FGF14: variants seen among roughly 807,000 people sequenced by gnomAD.
The protein encoded by FGF14 is fibroblast growth factor homologous factor 4.
FGF14 carries 5 observed loss-of-function variants against 25.5 expected under a neutral mutation model. The observed-to-expected ratio is 0.20, with a 90% CI of 0.10 to 0.41. The LOEUF is 0.41. Among genes scored for constraint, FGF14 ranks in the 10% least tolerant of loss-of-function variants. The probability of loss-of-function intolerance (pLI) is 1.00; values close to 1 mark genes in which losing one functional copy is unlikely to be tolerated. For missense variants in FGF14, 222 were observed against 320.1 expected (o/e 0.69, Z 2.34); for synonymous variants, 138 against 118.3 (o/e 1.17, Z -1.08).
intron 3 of FGF14, among the ~76,000 whole-genome samples, chr13:101,758,039 T>C (rs1417033292): frequency 1.3e-5 from 2 of 152,184 alleles, no homozygotes; most frequent in African/African-American, 2.4e-5. Context: ...ACTGCTTATA[T>C]TGTAGGCAAC....
intron 3 of FGF14, 70 bp downstream of exon 3, chr13:101,868,655 T>C (rs1401302195): frequency 1.0e-6 from 1 of 1,002,010 alleles, no homozygotes; most frequent in Non-Finnish European, 1.6e-6. Context: ...GAACTTTCTT[T>C]TTGTTGTTGC....
chr13:101,956,482 G>T (rs776426064), intron 1 of FGF14, among the ~76,000 whole-genome samples: 1 of 152,066 alleles, frequency 6.6e-6, no homozygotes, highest in Non-Finnish European at 1.5e-5. Context: ...GGAATGTATC[G>T]GGAGACTGGT....
At chr13:102,040,210 G>A (rs1442509266) in intron 1 of FGF14, among the ~76,000 whole-genome samples, 9 of 152,096 alleles carry the variant, frequency 5.9e-5, no homozygotes, top group Admixed American at 5.9e-4. Flanking sequence ...CTAGTGGGTT[G>A]TTTCCTTTGT....
chr13:102,319,425 C>T (rs904066699), intron 1 of FGF14, among the ~76,000 whole-genome samples: 52 of 152,286 alleles, frequency 3.4e-4, no homozygotes, highest in African/African-American at 1.2e-3. Flanking sequence ...AAATTCAGTC[C>T]TGTAAGTGCC....
chr13:101,981,359 C>T (rs919844137), intron 1 of FGF14, among the ~76,000 whole-genome samples: 6 of 152,244 alleles, frequency 3.9e-5, no homozygotes, highest in African/African-American at 1.2e-4. Flanking sequence ...AAGGTGCCAT[C>T]TACGAACCAG....
At chr13:101,857,780 C>A (rs4110591) in intron 3 of FGF14, among the ~76,000 whole-genome samples, 44,262 of 151,764 alleles carry the variant, frequency 0.29, 6,712 homozygotes, top group East Asian at 0.53. Flanking sequence ...GTCATATTAC[C>A]ATAAAAATGT....
At chr13:101,765,711 A>T (rs1439973175) in intron 3 of FGF14, among the ~76,000 whole-genome samples, 3 of 148,284 alleles carry the variant, frequency 2.0e-5, no homozygotes, top group Non-Finnish European at 3.0e-5. Flanking sequence ...TATTATTATT[A>T]TTATTATTTT....
chr13:102,077,458 G>A (rs899692846), intron 1 of FGF14, among the ~76,000 whole-genome samples: 4 of 152,020 alleles, frequency 2.6e-5, no homozygotes, highest in African/African-American at 9.7e-5. Context: ...ACAAAAGAAT[G>A]AAATTCTTAA....
intron 1 of FGF14, among the ~76,000 whole-genome samples, chr13:101,940,784 G>A (rs2139313002): frequency 6.6e-6 from 1 of 152,222 alleles, no homozygotes; most frequent in Middle Eastern, 3.4e-3. Flanking sequence ...GAGATCAGGG[G>A]TCCCTTAGGT....
intron 1 of FGF14, among the ~76,000 whole-genome samples, chr13:101,971,545 T>C (rs1483158745): frequency 6.6e-6 from 1 of 152,130 alleles, no homozygotes; most frequent in Non-Finnish European, 1.5e-5. Context: ...TAATTTTTTG[T>C]ACTTTTGGTA....
rs541158017 is a variant in FGF14, at chr13:101,733,999, T to G, written c.409-7189A>C. Among the ~76,000 whole-genome samples, 4 of 152,100 alleles carry G rather than the reference T, an allele frequency of 2.6e-5. No individual in the cohort carries two copies. In the South Asian group the frequency reaches 8.3e-4, roughly 32 times the overall value. ...GTATTTTATATGTGTGCATAATTTT[T>G]AAATATACATAAGGAGATGTCTGTG... On this transcript the variant is annotated intron_variant, in intron 3 of 4. Coordinates refer to ENST00000376143, the MANE Select transcript of FGF14 (RefSeq NM_004115.4).
chr13:101,939,177 C>T (rs1437345952), intron 1 of FGF14, among the ~76,000 whole-genome samples: 1 of 152,192 alleles, frequency 6.6e-6, no homozygotes, highest in Non-Finnish European at 1.5e-5. Flanking sequence ...CTATATTGAT[C>T]TCTAACTTTT....
intron 2 of FGF14, among the ~76,000 whole-genome samples, chr13:101,872,376 T>G (rs921962075): frequency 6.6e-6 from 1 of 151,768 alleles, no homozygotes; most frequent in Non-Finnish European, 1.5e-5. Context: ...GGGTTGGTTA[T>G]TCATAACTAG....
intron 1 of FGF14, chr13:102,293,838 T>G (rs1288471483): frequency 6.6e-6 from 1 of 152,212 alleles, no homozygotes; most frequent in Admixed American, 6.5e-5. Flanking sequence ...CTCACTTGCA[T>G]GCTGAGAAGT....
intron 3 of FGF14, among the ~76,000 whole-genome samples, chr13:101,825,193 A>C (rs918033891): frequency 6.6e-6 from 1 of 152,128 alleles, no homozygotes; most frequent in Non-Finnish European, 1.5e-5. Context: ...AGTGGGAGGG[A>C]GTCTTGTGGG....
intron 1 of FGF14, among the ~76,000 whole-genome samples, chr13:101,875,949 G>T (rs961018717): frequency 6.6e-6 from 1 of 151,994 alleles, no homozygotes; most frequent in Non-Finnish European, 1.5e-5. Context: ...GCAAACCCAC[G>T]CATATGAGGT....
chr13:102,368,055 C>G (rs963779824), intron 1 of FGF14: 2 of 152,158 alleles, frequency 1.3e-5, no homozygotes, highest in Non-Finnish European at 2.9e-5. Context: ...CCCTTGGCCT[C>G]GACTGCCAAG....
chr13:102,173,440 A>C (rs7329976), intron 1 of FGF14, among the ~76,000 whole-genome samples: 27 of 152,156 alleles, frequency 1.8e-4, no homozygotes, highest in African/African-American at 6.5e-4. Context: ...AAAATCAAAA[A>C]TAGAACTGCC....
At chr13:102,340,730 GCTT>G (rs1258894344) in intron 1 of FGF14, among the ~76,000 whole-genome samples, 3 of 152,094 alleles carry the variant, frequency 2.0e-5, no homozygotes, top group Non-Finnish European at 4.4e-5. Flanking sequence ...AATGCAAAGG[GCTT>G]CTTATTACAG....
Sources: allele counts gnomAD v4.1 joint callset (sites outside exome capture counted in the v4.1 genomes callset), GRCh38; gene constraint gnomAD v4.1.1; transcripts MANE v1.5; gene names NCBI Gene and HGNC (gene_info 2026-07-23, HGNC 2026-07-21).